The following BANP variants were observed in gnomAD, a reference collection of about 807,000 sequenced individuals.
The protein encoded by BANP is protein BANP.
A neutral mutation model predicts 68.1 loss-of-function variants in BANP; 11 were observed. The ratio of observed to expected loss-of-function variants is 0.16; its 90% CI spans 0.10 to 0.27. BANP has a LOEUF of 0.27. Ranked by LOEUF, BANP falls within the 10% of genes least tolerant of loss-of-function variation. The pLI, the probability that BANP is intolerant of heterozygous loss-of-function variation, is 1.00. For synonymous variants in BANP, 329 were observed against 303.2 expected, an observed-to-expected ratio of 1.09 and a Z score of -0.88; for missense variants, 504 against 722.7, an observed-to-expected ratio of 0.70 and a Z score of 3.47.
chr16:87,982,845 C>T (rs2063544535), intron 3 of BANP: 1 of 152,268 alleles, frequency 6.6e-6, no homozygotes, highest in Admixed American at 6.5e-5. Flanking sequence ...TGTATGATAT[C>T]ACTGCAGTTT....
chr16:88,019,750 TC>T (rs1238197529), intron 7 of BANP, among the ~76,000 whole-genome samples: 1 of 147,544 alleles, frequency 6.8e-6, no homozygotes, highest in Non-Finnish European at 1.5e-5. Context: ...GGCCAGCTGT[TC>T]CAGCAGGAAA....
intron 11 of BANP, among the ~76,000 whole-genome samples, chr16:88,038,388 GA>G (rs942913718): frequency 2.6e-5 from 4 of 152,212 alleles, no homozygotes; most frequent in African/African-American, 9.6e-5. Context: ...TGGAAGGGGG[GA>G]GGGCAGGGCT....
chr16:88,030,899 C>T lies in BANP; in HGVS notation c.1064-2210C>T, dbSNP rs550811691. On this transcript the variant is annotated intron_variant, in intron 8 of 13. Coordinates refer to ENST00000682872, the MANE Select transcript of BANP (RefSeq NM_001386991.1). ...CTGGAAACCGTTGTCTTTGGGGAAA[C>T]GGTTAGAAATGGAGATTTCACAAGG... Among the ~76,000 whole-genome samples, 44 of 152,274 alleles carry T rather than the reference C, an allele frequency of 2.9e-4. 2 individuals carry two copies. Among genetic ancestry groups the T allele is most frequent in the African/African-American group, 9.6e-4 (40 of 41,542 alleles).
chr16:87,989,103 CAAAG>C (rs1012479312), intron 4 of BANP, among the ~76,000 whole-genome samples: 3 of 152,030 alleles, frequency 2.0e-5, no homozygotes, highest in Admixed American at 6.5e-5. Flanking sequence ...ACTTCGAGAA[CAAAG>C]AAAAGAAAAA....
At chr16:87,983,863 C>T (rs559737471) in intron 3 of BANP, among the ~76,000 whole-genome samples, 197 bp from the exon 4 acceptor site, 22 of 152,158 alleles carry the variant, frequency 1.4e-4, no homozygotes, top group Admixed American at 5.2e-4. Flanking sequence ...TGAAACAGGA[C>T]GTGTGACTCG....
At chr16:87,950,099 G>C (rs1489145286), upstream of BANP, among the ~76,000 whole-genome samples, 4 of 152,108 alleles carry the variant, frequency 2.6e-5, no homozygotes, top group South Asian at 6.2e-4. Context: ...GGATGGTCTC[G>C]ATCTCCTGAC....
chr16:87,980,848 C>G (rs1308240271), intron 2 of BANP, 188 bp from the exon 3 acceptor site: 4 of 566,438 alleles, frequency 7.1e-6, no homozygotes, highest in African/African-American at 1.9e-5. Context: ...CTGGGCTTTT[C>G]TTGGGATTAA....
chr16:88,020,413 C>G (rs1235785888), intron 7 of BANP, among the ~76,000 whole-genome samples: 3 of 152,208 alleles, frequency 2.0e-5, no homozygotes, highest in Non-Finnish European at 4.4e-5. Flanking sequence ...GCTTGAAACC[C>G]GGGGGTTGCT....
intron 1 of BANP, among the ~76,000 whole-genome samples, chr16:87,965,378 G>A (rs2059839672): frequency 6.6e-6 from 1 of 151,576 alleles, no homozygotes; most frequent in Admixed American, 6.6e-5. Flanking sequence ...ATCTGAAAGG[G>A]AACAGAGAAA....
intron 12 of BANP, among the ~76,000 whole-genome samples, chr16:88,067,877 C>G (rs951062431): frequency 6.6e-6 from 1 of 152,240 alleles, no homozygotes; most frequent in Non-Finnish European, 1.5e-5. Flanking sequence ...ACGATGCTCC[C>G]GGCTGAGCCT....
At chr16:88,011,999 G>C (rs6540141) in intron 6 of BANP, among the ~76,000 whole-genome samples, 142,397 of 152,280 alleles carry the variant, frequency 0.94, 67,343 homozygotes, top group East Asian at 1. Flanking sequence ...CCTTTATGGG[G>C]TGTCCCTAGT....
At position 88,077,171 on chromosome 16, in the gene BANP, G is replaced by C. The variant is rs1363966196; in HGVS notation, c.*510G>C. 6.3e-6 allele frequency: 1 copy of C among 159,784 alleles called. No homozygotes were observed. The highest frequency in any genetic ancestry group is 6.0e-5 in the Admixed American group (1 of 16,530). The allele number at this position is 159,784 out of a possible 1,614,324, so 9.9% of individuals were successfully genotyped here. A position where few individuals can be genotyped will look rare whatever the true frequency, so the allele number is the denominator to read the frequency against. On this transcript the variant is annotated 3_prime_UTR_variant, in exon 14 of 14. Transcript: ENST00000682872. ...TGTCATGAGACGGGAGCCCTTTGCTGTGTGCTCTGTCCAGTGTCATGAGGC... is the reference window on the plus strand; with the variant it reads ...TGTCATGAGACGGGAGCCCTTTGCTCTGTGCTCTGTCCAGTGTCATGAGGC...
intron 11 of BANP, among the ~76,000 whole-genome samples, chr16:88,047,747 C>T (rs921666319): frequency 2.6e-5 from 4 of 152,184 alleles, no homozygotes; most frequent in African/African-American, 4.8e-5. Context: ...ACGTTCAGGT[C>T]CTCAGAGGAT....
At chr16:87,973,694 G>A (rs2061508509) in intron 1 of BANP, among the ~76,000 whole-genome samples, 1 of 147,266 alleles carries the variant, frequency 6.8e-6, no homozygotes, top group Admixed American at 7.2e-5. Context: ...AGGAGGTGGA[G>A]GTAAGCCGAG....
chr16:88,046,784 T>C (rs1262012183), intron 11 of BANP, among the ~76,000 whole-genome samples: 1 of 152,078 alleles, frequency 6.6e-6, no homozygotes, highest in Admixed American at 6.5e-5. Context: ...CATATCATGT[T>C]GGCCGGGCAC....
Position 88,001,295 on chromosome 16 carries a change from C to T in BANP, c.363-3000C>T, listed in dbSNP as rs12921191. Among the ~76,000 whole-genome samples, 60 of 106,292 alleles carry T rather than the reference C, an allele frequency of 5.6e-4. 3 individuals carry two copies. Among genetic ancestry groups the T allele is most frequent in the African/African-American group, 2.4e-3 (56 of 23,632 alleles). 69.7% of individuals were successfully genotyped at this position (106,292 alleles called of 152,430 possible). ...AGACACCCAGACACGTCAACATGCACGCACGTGCGCGGCTAGACTTACCTG... is the reference window on the plus strand; with the variant it reads ...AGACACCCAGACACGTCAACATGCATGCACGTGCGCGGCTAGACTTACCTG... On this transcript the variant is annotated intron_variant, in intron 4 of 13. Coordinates refer to ENST00000682872, the MANE Select transcript of BANP (RefSeq NM_001386991.1).
chr16:88,035,549 G>A (rs1009642171), intron 10 of BANP, among the ~76,000 whole-genome samples, 155 bp downstream of exon 10: 6 of 152,244 alleles, frequency 3.9e-5, no homozygotes, highest in African/African-American at 1.4e-4. Flanking sequence ...TGCACATAGC[G>A]GGCCTGCAGT....
At chr16:88,024,696 C>G (rs2076644918) in intron 7 of BANP, among the ~76,000 whole-genome samples, 6 of 152,256 alleles carry the variant, frequency 3.9e-5, no homozygotes, top group Admixed American at 3.9e-4. Context: ...GCGGCTGGTC[C>G]GTTCTCTGGA....
intron 7 of BANP, among the ~76,000 whole-genome samples, chr16:88,023,121 G>A (rs1438721115): frequency 6.6e-6 from 1 of 151,502 alleles, no homozygotes; most frequent in Non-Finnish European, 1.5e-5. Flanking sequence ...GTGGGTGTTT[G>A]TCTGTGTATC....
Sources: allele counts gnomAD v4.1 joint callset (sites outside exome capture counted in the v4.1 genomes callset), GRCh38; gene constraint gnomAD v4.1.1; transcripts MANE v1.5; gene names NCBI Gene and HGNC (gene_info 2026-07-23, HGNC 2026-07-21).